The following MACROD1 variants were observed in gnomAD, a reference collection of about 807,000 sequenced individuals.
The protein encoded by MACROD1 is mono-ADP ribosylhydrolase 1.
MACROD1 carries 31 observed loss-of-function variants against 41.4 expected under a neutral mutation model. The observed-to-expected ratio is 0.75, with a 90% CI of 0.56 to 1.01. The LOEUF (loss-of-function observed/expected upper bound fraction) is 1.01, where lower values mean the gene tolerates loss of function less well. Ranked by LOEUF, MACROD1 falls within the 50% of genes least tolerant of loss-of-function variation. The pLI, the probability that MACROD1 is intolerant of heterozygous loss-of-function variation, is 0.00. For synonymous variants in MACROD1, 252 were observed against 203.4 expected (o/e 1.24, Z -2.03); for missense variants, 473 against 460.0 (o/e 1.03, Z -0.26).
rs1319240001 is a variant in MACROD1 at position 64,036,178 on chromosome 11, G to C, written c.518-20897C>G. On this transcript the variant is annotated intron_variant, in intron 3 of 10. Coordinates refer to ENST00000255681, the MANE Select transcript of MACROD1 (RefSeq NM_014067.4). This position sits in a 1 kb window ranked among gnomAD's most constrained non-coding sequence, Gnocchi z 5.6. Reference sequence around the variant, plus strand: ...TGCGCAGGTAGGGCTGGCTGCACCGGGCGGGGGTCGGGGTCCGCGCGTCTG... The same window carrying C: ...TGCGCAGGTAGGGCTGGCTGCACCGCGCGGGGGTCGGGGTCCGCGCGTCTG... 6.6e-6 allele frequency: 1 copy of C among 152,156 alleles called. No individual in the cohort carries two copies. Among genetic ancestry groups the C allele is most frequent in the East Asian group, 1.9e-4 (1 of 5,190 alleles). The allele number at this position is 152,156 out of a possible 1,614,324, so 9.4% of individuals were successfully genotyped here. A position where few individuals can be genotyped will look rare whatever the true frequency, so the allele number is the denominator to read the frequency against.
chr11:64,029,635 C>T (rs1312589883), intron 3 of MACROD1, among the ~76,000 whole-genome samples: 1 of 152,096 alleles, frequency 6.6e-6, no homozygotes, highest in Non-Finnish European at 1.5e-5. Context: ...CCAGCCCACC[C>T]TGCGCAGCTG....
chr11:64,138,537 A>G, intron 3 of MACROD1: 1 of 985,260 alleles, frequency 1.0e-6, no homozygotes, highest in Non-Finnish European at 1.2e-6. Context: ...TGATGTTTAA[A>G]CCGTACCTGA....
intron 3 of MACROD1, among the ~76,000 whole-genome samples, chr11:64,051,277 C>T (rs1480586507): frequency 6.6e-6 from 1 of 152,212 alleles, no homozygotes; most frequent in Non-Finnish European, 1.5e-5. Context: ...AGGGGAGGGG[C>T]TGGTCCCTCT....
At chr11:64,106,717 G>A (rs780530850) in intron 3 of MACROD1, among the ~76,000 whole-genome samples, 1 of 152,086 alleles carries the variant, frequency 6.6e-6, no homozygotes, top group South Asian at 2.1e-4. Context: ...TCCTAAAGGC[G>A]GCTGAGGAGA....
At chr11:64,059,960 C>T (rs1943866352) in intron 3 of MACROD1, among the ~76,000 whole-genome samples, 2 of 151,942 alleles carry the variant, frequency 1.3e-5, no homozygotes, top group East Asian at 1.9e-4. Flanking sequence ...GTTGGGGGGC[C>T]GGGGCACCCT....
chr11:64,056,579 C>CG (rs1373109738), intron 3 of MACROD1, among the ~76,000 whole-genome samples: 1 of 152,186 alleles, frequency 6.6e-6, no homozygotes, highest in Non-Finnish European at 1.5e-5. Context: ...CCAAAGGCTG[C>CG]GGCCAGGGTG....
chr11:64,136,469 C>G (rs1461430684), intron 3 of MACROD1, among the ~76,000 whole-genome samples: 1 of 152,146 alleles, frequency 6.6e-6, no homozygotes, highest in Non-Finnish European at 1.5e-5. Flanking sequence ...GGGTGGGATG[C>G]GTTGGCAGCT....
chr11:63,998,807 G>C (rs2134314290), intron 10 of MACROD1, 31 bp downstream of exon 10: 3 of 1,497,024 alleles, frequency 2.0e-6, no homozygotes, highest in Middle Eastern at 5.0e-4. Flanking sequence ...TCTAGGGCCG[G>C]GGCCGCCGCA....
chr11:64,035,700 G>C (rs2134372438), intron 3 of MACROD1, among the ~76,000 whole-genome samples: 1 of 3,522 alleles, frequency 2.8e-4, no homozygotes, highest in Middle Eastern at 0.5. Context: ...CCAGTGCGCA[G>C]CGCGGCGCCC....
At chr11:64,039,902 T>C (rs1943453278) in intron 3 of MACROD1, among the ~76,000 whole-genome samples, 1 of 151,740 alleles carries the variant, frequency 6.6e-6, no homozygotes, top group South Asian at 2.1e-4. Context: ...GGGAGGAGGA[T>C]GGGTGGGAGT....
In MACROD1 at chr11:64,116,094, C is replaced by T. The variant is rs1037168605; in HGVS notation, c.517+35145G>A. ...AGGCCACTCCTCCAGCTTGACCTCACCCCGCAGGACCGGACTTCGGTCACC... is the reference window on the plus strand; with the variant it reads ...AGGCCACTCCTCCAGCTTGACCTCATCCCGCAGGACCGGACTTCGGTCACC... On this transcript the variant is annotated intron_variant, in intron 3 of 10. Coordinates refer to ENST00000255681, the MANE Select transcript of MACROD1 (RefSeq NM_014067.4). 5 of 978,490 alleles carry T rather than the reference C, an allele frequency of 5.1e-6. No homozygotes were observed. In the Admixed American group the frequency reaches 8.8e-5, roughly 17 times the overall value. 60.6% of individuals were successfully genotyped at this position (978,490 alleles called of 1,614,324 possible).
chr11:64,121,470 G>C (rs1029891035), intron 3 of MACROD1, among the ~76,000 whole-genome samples: 2 of 152,146 alleles, frequency 1.3e-5, no homozygotes, highest in African/African-American at 4.8e-5. Context: ...ACCTTCCCAG[G>C]GTCCTTTCTG....
intron 3 of MACROD1, among the ~76,000 whole-genome samples, chr11:64,112,528 G>GCAAAA (rs1437485328): frequency 6.6e-6 from 1 of 152,094 alleles, no homozygotes; most frequent in Non-Finnish European, 1.5e-5. Context: ...GCAAAACAAG[G>GCAAAA]CAAAACAAAA....
intron 3 of MACROD1, among the ~76,000 whole-genome samples, chr11:64,051,018 A>C (rs922460630): frequency 2.0e-5 from 3 of 152,200 alleles, no homozygotes; most frequent in Middle Eastern, 3.2e-3. Context: ...AGCCTTGCCC[A>C]GGGGGACAGC....
chr11:64,156,008 T>C (rs1216712465), intron 1 of MACROD1, among the ~76,000 whole-genome samples: 2 of 149,752 alleles, frequency 1.3e-5, no homozygotes, highest in Non-Finnish European at 2.9e-5. Flanking sequence ...CTCGGGAGGC[T>C]GAGGCAGGAG....
At chr11:64,021,230 GGCCATGCAGGGGA>G (rs1490443653) in intron 3 of MACROD1, among the ~76,000 whole-genome samples, 1 of 152,212 alleles carries the variant, frequency 6.6e-6, no homozygotes, top group African/African-American at 2.4e-5. Context: ...CTCTACCATG[GGCCATGCAGGGGA>G]GCCCACCCTG....
intron 3 of MACROD1, among the ~76,000 whole-genome samples, chr11:64,100,986 T>A (rs2134557150): frequency 6.6e-6 from 1 of 152,250 alleles, no homozygotes; most frequent in South Asian, 2.1e-4. Flanking sequence ...GGTGCATTTA[T>A]TAAGCACCAA....
intron 1 of MACROD1, among the ~76,000 whole-genome samples, chr11:64,161,584 C>T (rs1224176418): frequency 6.6e-6 from 1 of 152,222 alleles, no homozygotes; most frequent in Non-Finnish European, 1.5e-5. Context: ...AGACCCTAAT[C>T]AAAGGCAGAG....
chr11:64,055,447 A>C (rs1943767640), intron 3 of MACROD1, among the ~76,000 whole-genome samples: 1 of 152,104 alleles, frequency 6.6e-6, no homozygotes, highest in African/African-American at 2.4e-5. Context: ...GTGGCAGGGC[A>C]GGTAGCTCCT....
Sources: gnomAD v4.1 joint callset for allele counts (sites outside exome capture counted in the v4.1 genomes callset) on GRCh38, gnomAD v4.1.1 for gene constraint, Gnocchi (gnomAD v3.1) non-coding constraint, MANE v1.5 for transcripts, NCBI Gene and HGNC (gene_info 2026-07-23, HGNC 2026-07-21) for gene names.